GAB2: variants seen among roughly 807,000 people sequenced by gnomAD.
GAB2 encodes GRB2 associated binding protein 2.
A neutral mutation model predicts 65.5 loss-of-function variants in GAB2; 26 were observed. The ratio of observed to expected loss-of-function variants is 0.40; its 90% CI spans 0.29 to 0.55. The LOEUF is 0.55. GAB2 is among the 20% of genes least tolerant of loss of function. The pLI is 0.53. For missense variants in GAB2, 884 were observed against 875.8 expected, an observed-to-expected ratio of 1.01 and a Z score of -0.12; for synonymous variants, 321 against 329.6, an observed-to-expected ratio of 0.97 and a Z score of 0.28.
intron 1 of GAB2, among the ~76,000 whole-genome samples, chr11:78,284,620 T>C (rs1305892144): frequency 6.6e-6 from 1 of 152,216 alleles, no homozygotes; most frequent in Admixed American, 6.5e-5. Context: ...CATTGCTTAA[T>C]CTTTTTTTCT....
chr11:78,362,274 T>C (rs755550515), intron 1 of GAB2, among the ~76,000 whole-genome samples: 3 of 152,126 alleles, frequency 2.0e-5, no homozygotes, highest in Non-Finnish European at 2.9e-5. Flanking sequence ...GGCAGAAGGA[T>C]AGAGAAGAGA....
chr11:78,333,256 T>A (rs1855945337), intron 1 of GAB2, among the ~76,000 whole-genome samples: 1 of 152,210 alleles, frequency 6.6e-6, no homozygotes, highest in African/African-American at 2.4e-5. Flanking sequence ...AAAGATCTTT[T>A]GGTGACTTTT....
intron 2 of GAB2, among the ~76,000 whole-genome samples, chr11:78,261,966 T>C (rs903517800): frequency 6.6e-6 from 1 of 152,156 alleles, no homozygotes; most frequent in African/African-American, 2.4e-5. Context: ...CTAACCAACT[T>C]TATAAGAGAT....
chr11:78,250,448 C>T (rs538018006), intron 2 of GAB2, 48 bp from the exon 3 acceptor site: 1 of 1,557,684 alleles, frequency 6.4e-7, no homozygotes, highest in South Asian at 1.1e-5. Flanking sequence ...GGAAATGTAT[C>T]CTTATCCCAA....
intron 5 of GAB2, 80 bp from the exon 6 acceptor site, chr11:78,223,756 G>C (rs922638570): frequency 2.5e-6 from 3 of 1,210,122 alleles, no homozygotes; most frequent in Non-Finnish European, 3.5e-6. Flanking sequence ...TGTAAATGAG[G>C]CAAGACAAGT....
At chr11:78,403,619 G>A (rs1857003068) in intron 1 of GAB2, among the ~76,000 whole-genome samples, 2 of 152,196 alleles carry the variant, frequency 1.3e-5, no homozygotes, top group African/African-American at 2.4e-5. Flanking sequence ...TATGAGACCT[G>A]AAACTATAAA....
intron 1 of GAB2, among the ~76,000 whole-genome samples, chr11:78,290,701 A>G (rs1003793386): frequency 6.6e-6 from 1 of 152,222 alleles, no homozygotes; most frequent in Non-Finnish European, 1.5e-5. Flanking sequence ...TCTAAGATAT[A>G]AAGGGCCGCC....
At position 78,320,070 on chromosome 11, in the gene GAB2, C is replaced by T. The variant is rs560015405; in HGVS notation, c.76-39169G>A. Among the ~76,000 whole-genome samples, 30 of 152,260 alleles carry T rather than the reference C, an allele frequency of 2.0e-4. No homozygotes were observed. In the East Asian group the frequency reaches 4.1e-3, roughly 21 times the overall value. On this transcript the variant is annotated intron_variant, in intron 1 of 9. Transcript: ENST00000361507. ...TTGCATTTTTGTGGAGATGGGGTTT[C>T]GCCATGTTGGCCAGGCTGGTCTGGA...
chr11:78,249,092 A>C (rs770408564), intron 3 of GAB2, among the ~76,000 whole-genome samples: 1 of 152,214 alleles, frequency 6.6e-6, no homozygotes, highest in Non-Finnish European at 1.5e-5. Flanking sequence ...ATGACTCAGA[A>C]AAACAAAAGT....
intron 2 of GAB2, among the ~76,000 whole-genome samples, chr11:78,275,441 A>G (rs1866139610): frequency 6.6e-6 from 1 of 152,214 alleles, no homozygotes; most frequent in Non-Finnish European, 1.5e-5. Context: ...CAGTTAAAAA[A>G]AAAACACTGA....
intron 1 of GAB2, chr11:78,363,996 A>G (rs568647555): frequency 1.3e-5 from 2 of 152,334 alleles, no homozygotes; most frequent in South Asian, 2.1e-4. Flanking sequence ...CCCATTTAAC[A>G]TATATTTATA....
At chr11:78,300,672 G>GTTTTTTTTTTT (rs1291386898) in intron 1 of GAB2, among the ~76,000 whole-genome samples, 3 of 122,432 alleles carry the variant, frequency 2.5e-5, no homozygotes, top group African/African-American at 1.0e-4. Flanking sequence ...TCACTGTGTG[G>GTTTTTTTTTTT]TTTTTTTTTT....
At chr11:78,226,317 G>C in intron 4 of GAB2, 148 bp downstream of exon 4, 3 of 669,890 alleles carry the variant, frequency 4.5e-6, no homozygotes, top group South Asian at 3.5e-5. Flanking sequence ...AAGGGATCTG[G>C]GTAGAAGACA....
At chr11:78,258,819 T>C (rs1865662357) in intron 2 of GAB2, among the ~76,000 whole-genome samples, 1 of 152,192 alleles carries the variant, frequency 6.6e-6, no homozygotes, top group Admixed American at 6.5e-5. Flanking sequence ...TAATTCCATA[T>C]ATAGGGTACC....
intron 1 of GAB2, among the ~76,000 whole-genome samples, chr11:78,353,216 G>C (rs188117091): frequency 2.6e-5 from 4 of 152,124 alleles, no homozygotes; most frequent in Admixed American, 1.3e-4. Context: ...TGAGGTGGGC[G>C]GATCACTTGA....
At chr11:78,333,786 G>T (rs936887742) in intron 1 of GAB2, among the ~76,000 whole-genome samples, 2 of 152,086 alleles carry the variant, frequency 1.3e-5, no homozygotes, top group Admixed American at 6.6e-5. Context: ...ACACCTGAAG[G>T]CTCCTCTCCT....
chr11:78,400,352 T>C (rs890157443), intron 1 of GAB2, among the ~76,000 whole-genome samples: 11 of 152,202 alleles, frequency 7.2e-5, no homozygotes, highest in African/African-American at 1.2e-4. Context: ...TAACTCCATA[T>C]AAGGGCATCA....
Position 78,219,057 on chromosome 11 carries a change from C to G in GAB2, c.*215G>C. On this transcript the variant is annotated 3_prime_UTR_variant, in exon 10 of 10. Transcript: ENST00000361507. ...AGGCATGGCCATTACTGATAAAAAT[C>G]ACAGCTGGGCCCCGAGTGGGCAGAG... The G allele has an allele frequency of 1.9e-6, 1 of 540,486 alleles. No individual in the cohort carries two copies. The highest frequency in any genetic ancestry group is 2.7e-5 in the South Asian group (1 of 36,748). The allele number at this position is 540,486 out of a possible 1,614,324, so 33.5% of individuals were successfully genotyped here.
At chr11:78,358,008 C>T (rs965055521) in intron 1 of GAB2, among the ~76,000 whole-genome samples, 20 of 152,170 alleles carry the variant, frequency 1.3e-4, no homozygotes, top group African/African-American at 3.6e-4. Flanking sequence ...ATGTTTATTG[C>T]GGCACTATTC....
Sources: allele counts gnomAD v4.1 joint callset (sites outside exome capture counted in the v4.1 genomes callset), GRCh38; gene constraint gnomAD v4.1.1; transcripts MANE v1.5; gene names NCBI Gene and HGNC (gene_info 2026-07-23, HGNC 2026-07-21).